Variants in WWOX observed in about 807,000 individuals in gnomAD.
WWOX encodes WW domain-containing oxidoreductase.
A neutral mutation model predicts 46.2 loss-of-function variants in WWOX; 69 were observed. The ratio of observed to expected loss-of-function variants is 1.49; its 90% confidence interval spans 1.23 to 1.82. The LOEUF is 1.82. Among genes scored for constraint, WWOX ranks in the 40% most tolerant of loss-of-function variants. WWOX has a pLI of 0.00. For missense variants in WWOX, 919 were observed against 542.6 expected, an observed-to-expected ratio of 1.69 and a Z score of -6.89; for synonymous variants, 359 against 202.6, an observed-to-expected ratio of 1.77 and a Z score of -6.56.
chr16:78,930,083 T>C (rs998845328), intron 8 of WWOX, among the ~76,000 whole-genome samples: 2 of 152,074 alleles, frequency 1.3e-5, no homozygotes, highest in African/African-American at 4.8e-5. Flanking sequence ...CTTGCCTTCT[T>C]CACACTCCTC....
chr16:78,816,657 C>G (rs1020484729), intron 8 of WWOX, among the ~76,000 whole-genome samples: 1 of 151,680 alleles, frequency 6.6e-6, no homozygotes, highest in Non-Finnish European at 1.5e-5. Context: ...AAAAGCACAA[C>G]CAAATTGTAG....
chr16:78,735,112 C>T (rs1274757218), intron 8 of WWOX, among the ~76,000 whole-genome samples: 1 of 151,700 alleles, frequency 6.6e-6, no homozygotes, highest in Non-Finnish European at 1.5e-5. Flanking sequence ...GATGATCCAC[C>T]TGCCTTGACG....
intron 8 of WWOX, among the ~76,000 whole-genome samples, chr16:78,732,274 G>C (rs533473123): frequency 2.8e-4 from 43 of 152,242 alleles, no homozygotes; most frequent in South Asian, 6.2e-4. Flanking sequence ...GCTTCCGTCT[G>C]GTTGTGTCTC....
At chr16:78,130,897 C>G (rs1225344443) in intron 4 of WWOX, among the ~76,000 whole-genome samples, 1 of 152,168 alleles carries the variant, frequency 6.6e-6, no homozygotes, top group Non-Finnish European at 1.5e-5. Flanking sequence ...CAGGCAGTGT[C>G]ATCGTTGTGC....
chr16:78,402,399 C>G (rs912255255), intron 6 of WWOX, among the ~76,000 whole-genome samples: 3 of 152,026 alleles, frequency 2.0e-5, no homozygotes, highest in African/African-American at 4.8e-5. Context: ...TTCTGTTGTT[C>G]CTACTTTTTG....
In WWOX at chr16:78,616,533, A is replaced by T. The variant is rs991829214; in HGVS notation, c.1056+183781A>T. ...TCCCAGCACTTTGGGAGGCCGAGGC[A>T]GGTGTCTCGGTGGATCACTTGAGGT... is the stretch of plus-strand genomic sequence containing the variant. On this transcript the variant is annotated intron_variant, in intron 8 of 8. Coordinates refer to ENST00000566780, the MANE Select transcript of WWOX (RefSeq NM_016373.4). 5.9e-5 allele frequency among the ~76,000 whole-genome samples: 9 copies of T among 151,420 alleles called. No individual in the cohort carries two copies. In the South Asian group the frequency reaches 1.9e-3, roughly 32 times the overall value.
At chr16:79,071,249 A>G (rs1187784073) in intron 8 of WWOX, among the ~76,000 whole-genome samples, 1 of 152,164 alleles carries the variant, frequency 6.6e-6, no homozygotes, top group Non-Finnish European at 1.5e-5. Flanking sequence ...AGCATTTATT[A>G]TTACTTGCTA....
At chr16:79,055,398 A>G (rs773637233) in intron 8 of WWOX, among the ~76,000 whole-genome samples, 25 of 152,156 alleles carry the variant, frequency 1.6e-4, no homozygotes, top group Non-Finnish European at 3.5e-4. Flanking sequence ...GACCAATGGA[A>G]TGTGGCTGAG....
intron 8 of WWOX, among the ~76,000 whole-genome samples, chr16:78,652,430 A>G (rs1039890491): frequency 3.4e-5 from 5 of 148,536 alleles, no homozygotes; most frequent in Admixed American, 2.0e-4. Context: ...AAAAAAAAAA[A>G]AGAAAAAGAA....
chr16:78,267,803 T>G (rs889597529), intron 5 of WWOX, among the ~76,000 whole-genome samples: 1 of 152,224 alleles, frequency 6.6e-6, no homozygotes, highest in Admixed American at 6.5e-5. Context: ...AGGGTCTCAC[T>G]CTCATTGCCC....
chr16:78,177,862 G>A lies in WWOX; in HGVS notation c.516+13573G>A, dbSNP rs951002397. 7.9e-5 allele frequency among the ~76,000 whole-genome samples: 12 copies of A among 152,288 alleles called. 1 individual carries two copies. Among genetic ancestry groups the A allele is most frequent in the African/African-American group, 2.9e-4 (12 of 41,570 alleles). On this transcript the variant is annotated intron_variant, in intron 5 of 8. Coordinates refer to ENST00000566780, the MANE Select transcript of WWOX (RefSeq NM_016373.4). ...CGCAAAGAGCAGAAAAGGACGAGAC[G>A]GGGACTGAACAGACTTGCTTAGTTC...
intron 8 of WWOX, among the ~76,000 whole-genome samples, chr16:78,858,385 T>A (rs746266742): frequency 2.0e-5 from 3 of 152,062 alleles, no homozygotes; most frequent in East Asian, 1.9e-4. Context: ...TATATGTATG[T>A]ATCTGTATAT....
At chr16:78,617,350 C>T (rs990253855) in intron 8 of WWOX, among the ~76,000 whole-genome samples, 5 of 150,200 alleles carry the variant, frequency 3.3e-5, no homozygotes, top group South Asian at 2.1e-4. Context: ...TGCAGTGAGC[C>T]GACATTGCAC....
At chr16:78,566,171 T>C (rs1032932661) in intron 8 of WWOX, among the ~76,000 whole-genome samples, 11 of 152,014 alleles carry the variant, frequency 7.2e-5, no homozygotes, top group African/African-American at 2.7e-4. Flanking sequence ...CTTATAAGGA[T>C]ACTAATCCCA....
intron 8 of WWOX, among the ~76,000 whole-genome samples, chr16:79,011,196 T>C (rs1208700600): frequency 4.7e-5 from 7 of 150,244 alleles, no homozygotes; most frequent in African/African-American, 1.7e-4. Flanking sequence ...CATTGAAAAG[T>C]TGCAGACATC....
At chr16:78,808,563 A>G (rs2051103095) in intron 8 of WWOX, among the ~76,000 whole-genome samples, 1 of 152,178 alleles carries the variant, frequency 6.6e-6, no homozygotes, top group African/African-American at 2.4e-5. Flanking sequence ...TAACTGGAAA[A>G]GTCAGTAGCC....
chr16:78,104,274 GCTGT>G (rs753482252), intron 1 of WWOX, among the ~76,000 whole-genome samples: 3 of 72,926 alleles, frequency 4.1e-5, no homozygotes, highest in Non-Finnish European at 6.8e-5. Context: ...ACACACACTG[GCTGT>G]CCTCACTGTC....
intron 7 of WWOX, among the ~76,000 whole-genome samples, chr16:78,431,235 A>G (rs528522665): frequency 2.0e-5 from 3 of 152,224 alleles, no homozygotes; most frequent in Non-Finnish European, 2.9e-5. Flanking sequence ...ATTTGTGTAC[A>G]TCCATGCCAT....
chr16:79,051,453 G>C (rs1322376973), intron 8 of WWOX, among the ~76,000 whole-genome samples: 1 of 152,088 alleles, frequency 6.6e-6, no homozygotes, highest in Non-Finnish European at 1.5e-5. Context: ...GACCAACGAA[G>C]ACCTTTTGAG....
Sources: gnomAD v4.1 joint callset for allele counts (sites outside exome capture counted in the v4.1 genomes callset) on GRCh38, gnomAD v4.1.1 for gene constraint, MANE v1.5 for transcripts, NCBI Gene and HGNC (gene_info 2026-07-23, HGNC 2026-07-21) for gene names.